The following WDR82 variants were observed in gnomAD, a reference collection of about 807,000 sequenced individuals.
WDR82 encodes WD repeat domain 82, also known as WD repeat-containing protein 82.
WDR82 carries 8 observed loss-of-function variants against 36.1 expected under a neutral mutation model. The ratio of observed to expected loss-of-function variants is 0.22; its 90% CI spans 0.13 to 0.40. WDR82 has a LOEUF of 0.40. Ranked by LOEUF, WDR82 falls within the 10% of genes least tolerant of loss-of-function variation. WDR82 has a pLI of 1.00. For synonymous variants in WDR82, 129 were observed against 137.8 expected, an observed-to-expected ratio of 0.94 and a Z score of 0.45; for missense variants, 185 against 400.5, an observed-to-expected ratio of 0.46 and a Z score of 4.59.
chr3:52,271,104 C>T (rs1700149279), intron 1 of WDR82, among the ~76,000 whole-genome samples: 1 of 151,542 alleles, frequency 6.6e-6, no homozygotes, highest in Non-Finnish European at 1.5e-5. Flanking sequence ...AGAAAAAATA[C>T]AATCATGTGC....
Position 52,257,415 on chromosome 3 carries a change from T to C in WDR82, c.*75A>G. 14 of 1,596,558 alleles carry C rather than the reference T, an allele frequency of 8.8e-6. No homozygotes were observed. The highest frequency in any genetic ancestry group is 1.2e-5 in the Non-Finnish European group (14 of 1,164,096). ...GCCCAGTCAAATGATCCAATCCCAC[T>C]ATTATCTCAGTTCCCTCTGAGTTTC... is the stretch of plus-strand genomic sequence containing the variant. On this transcript the variant is annotated 3_prime_UTR_variant, in exon 9 of 9. Transcript: ENST00000296490.
intron 1 of WDR82, among the ~76,000 whole-genome samples, chr3:52,272,583 T>G (rs1470476942): frequency 2.7e-5 from 4 of 150,716 alleles, no homozygotes; most frequent in Non-Finnish European, 4.4e-5. Flanking sequence ...GAGACTTAAA[T>G]ATCTATGTAA....
intron 2 of WDR82, chr3:52,267,355 A>C (rs1277172273): frequency 1.6e-5 from 4 of 253,140 alleles, no homozygotes; most frequent in Non-Finnish European, 3.1e-5. Context: ...ACACATAATA[A>C]TTTTAGATAC....
At position 52,278,290 on chromosome 3, in the gene WDR82, A is replaced by T. The variant is rs1200415690; in HGVS notation, c.72T>A (p.Ile24=). 2 of 1,609,982 alleles carry T rather than the reference A, an allele frequency of 1.2e-6. No individual in the cohort carries two copies. The highest frequency in any genetic ancestry group is 1.7e-6 in the Non-Finnish European group (2 of 1,178,694). Residue 24 remains isoleucine (I), a synonymous_variant, in exon 1 of 9, where the codon ATT becomes ATA. Transcript: ENST00000296490. Reference sequence around the variant, plus strand: ...CGTTGGGGCTGAAATCGAAGCAGTTAATCTTGTCCGAGTTTTCGCGGAACA... The same window carrying T: ...CGTTGGGGCTGAAATCGAAGCAGTTTATCTTGTCCGAGTTTTCGCGGAACA... ...AKVFRENSDK[I]NCFDFSPNGE...
Position 52,275,711 on chromosome 3 carries a change from C to A in WDR82, c.161+2490G>T, listed in dbSNP as rs1480468861. Among the ~76,000 whole-genome samples the A allele has an allele frequency of 3.3e-5, 5 of 152,098 alleles. No homozygotes were observed. The South Asian group carries it at 8.3e-4, about 25-fold the overall frequency. ...CCAGCCTGACCAACATGGTGAAACC[C>A]TGCCTCTACTAAAGATACAAAAATT... On this transcript the variant is annotated intron_variant, in intron 1 of 8. Coordinates refer to ENST00000296490, the MANE Select transcript of WDR82 (RefSeq NM_025222.4).
At chr3:52,259,390 T>C in intron 6 of WDR82, 124 bp from the exon 7 acceptor site, 2 of 972,136 alleles carry the variant, frequency 2.1e-6, no homozygotes, top group South Asian at 1.6e-5. Context: ...TGTCATGTAC[T>C]ACACCACCAA....
At chr3:52,268,201 C>T (rs1016550148) in intron 2 of WDR82, 6 of 406,910 alleles carry the variant, frequency 1.5e-5, no homozygotes, top group East Asian at 7.5e-5. Flanking sequence ...AGACTTCCTC[C>T]CCATTACCTG....
In WDR82 at chr3:52,254,609, T is replaced by C. The variant is rs139719807; in HGVS notation, c.*2881A>G. On this transcript the variant is annotated 3_prime_UTR_variant, in exon 9 of 9. Transcript: ENST00000296490. ...CAGTGGTAGCATTTGGGTGGCAAAC[T>C]TGATTCTTTCTAAAATTCCCATATT... 121 of 152,760 alleles carry C rather than the reference T, an allele frequency of 7.9e-4. No homozygotes were observed. The highest frequency in any genetic ancestry group is 2.8e-3 in the African/African-American group (115 of 41,578). The allele number at this position is 152,760 out of a possible 1,614,324, so 9.5% of individuals were successfully genotyped here.
intron 3 of WDR82, among the ~76,000 whole-genome samples, chr3:52,263,823 TAGAA>T (rs1326941975): frequency 6.6e-6 from 1 of 152,132 alleles, no homozygotes; most frequent in African/African-American, 2.4e-5. Context: ...ACCTGAGTAT[TAGAA>T]AGAGTATTGG....
chr3:52,267,428 C>CT (rs1700115691), intron 2 of WDR82: 1 of 189,246 alleles, frequency 5.3e-6, no homozygotes, highest in African/African-American at 2.4e-5. Flanking sequence ...AGCTAACAGA[C>CT]TTAAAGAGGT....
Position 52,270,887 on chromosome 3 carries a change from C to T in WDR82, c.162-78G>A, listed in dbSNP as rs572087244. On this transcript the variant is annotated intron_variant, in intron 1 of 8. Coordinates refer to ENST00000296490, the MANE Select transcript of WDR82 (RefSeq NM_025222.4). The stretch of plus-strand genomic sequence containing the variant: ...TGGGATCTCCACATAAAGAGAAGCA[C>T]TTGAATGATGTGGCAAAGGTGAGGA... The T allele has an allele frequency of 1.3e-5, 14 of 1,096,672 alleles. No homozygotes were observed. In the African/African-American group the frequency reaches 1.9e-4, roughly 15 times the overall value. The allele number at this position is 1,096,672 out of a possible 1,614,324, so 67.9% of individuals were successfully genotyped here. A position where few individuals can be genotyped will look rare whatever the true frequency, so the allele number is the denominator to read the frequency against.
chr3:52,264,900 C>T (rs1700092041), intron 3 of WDR82, among the ~76,000 whole-genome samples: 1 of 152,158 alleles, frequency 6.6e-6, no homozygotes, highest in African/African-American at 2.4e-5. Context: ...AAGCGATCCT[C>T]TCACCTCAGC....
chr3:52,267,501 T>A (rs1360687575), intron 2 of WDR82: 1 of 159,648 alleles, frequency 6.3e-6, no homozygotes, highest in Non-Finnish European at 1.4e-5. Flanking sequence ...TTGTCTAGAG[T>A]TCTCCATCAG....
chr3:52,255,838 A>AG lies in WDR82; in HGVS notation c.*1651dup, dbSNP rs1700001084. ...TCTAAGAAGGCCATGAGCCAGCTGC[A>AG]GCTCATCTCACTCAGCCTGGGCCTG... On this transcript the variant is annotated 3_prime_UTR_variant, in exon 9 of 9. Transcript: ENST00000296490. 6.6e-6 allele frequency: 1 copy of AG among 152,262 alleles called. No homozygotes were observed. The highest frequency in any genetic ancestry group is 2.1e-4 in the South Asian group (1 of 4,834). The allele number at this position is 152,262 out of a possible 1,614,324, so 9.4% of individuals were successfully genotyped here. A position where few individuals can be genotyped will look rare whatever the true frequency, so the allele number is the denominator to read the frequency against.
At chr3:52,267,262 T>C (rs543132648) in intron 2 of WDR82, 31 of 333,612 alleles carry the variant, frequency 9.3e-5, no homozygotes, top group African/African-American at 6.0e-4. Context: ...TGACCTTTTA[T>C]TACCAATTTG....
intron 7 of WDR82, 141 bp from the exon 8 acceptor site, chr3:52,258,819 G>C: frequency 8.5e-7 from 1 of 1,177,056 alleles, no homozygotes; most frequent in South Asian, 1.5e-5. Context: ...AGGAGAGGCA[G>C]TGAAGGAAGG....
intron 3 of WDR82, among the ~76,000 whole-genome samples, chr3:52,262,566 G>A (rs1209098781): frequency 3.9e-5 from 6 of 152,150 alleles, no homozygotes; most frequent in African/African-American, 1.4e-4. Flanking sequence ...CTGACTTGGG[G>A]TCTGTGAATC....
intron 8 of WDR82, among the ~76,000 whole-genome samples, chr3:52,258,081 T>C (rs1027896103): frequency 1.3e-5 from 2 of 152,166 alleles, no homozygotes; most frequent in African/African-American, 2.4e-5. Context: ...GTTAGTATTA[T>C]CTAGGAAGAG....
In WDR82 at chr3:52,257,224, G is replaced by C; in HGVS notation, c.*266C>G. 3.7e-6 allele frequency: 2 copies of C among 535,136 alleles called. No individual in the cohort carries two copies. The highest frequency in any genetic ancestry group is 6.7e-6 in the Non-Finnish European group (2 of 300,110). The allele number at this position is 535,136 out of a possible 1,614,324, so 33.1% of individuals were successfully genotyped here. The stretch of plus-strand genomic sequence containing the variant: ...CCCACTATACCAAATCGTGAGTCTG[G>C]TCACTCCTCCAGCAGAGCTTGGTGC... On this transcript the variant is annotated 3_prime_UTR_variant, in exon 9 of 9. Transcript: ENST00000296490.
Sources: gnomAD v4.1 joint callset for allele counts (sites outside exome capture counted in the v4.1 genomes callset) on GRCh38, gnomAD v4.1.1 for gene constraint, MANE v1.5 for transcripts, NCBI Gene and HGNC (gene_info 2026-07-23, HGNC 2026-07-21) for gene names.